The following SEMA3A variants were observed in gnomAD, a reference collection of about 807,000 sequenced individuals.
The protein encoded by SEMA3A is semaphorin 3A.
SEMA3A carries 29 observed loss-of-function variants against 97.9 expected under a neutral mutation model. That is an observed-to-expected ratio of 0.30 (90% confidence interval 0.22 to 0.40). The LOEUF is 0.40. Ranked by LOEUF, SEMA3A falls within the 10% of genes least tolerant of loss-of-function variation. The probability of loss-of-function intolerance (pLI) is 1.00; values close to 1 mark genes in which losing one functional copy is unlikely to be tolerated. For synonymous variants in SEMA3A, 321 were observed against 323.7 expected (o/e 0.99, Z 0.09); for missense variants, 763 against 951.3 (o/e 0.80, Z 2.60).
At chr7:84,062,293 A>C (rs1327081495) in intron 4 of SEMA3A, among the ~76,000 whole-genome samples, 1 of 152,208 alleles carries the variant, frequency 6.6e-6, no homozygotes, top group African/African-American at 2.4e-5. Context: ...ATACGAATTT[A>C]TCATAGGCAT....
intron 4 of SEMA3A, among the ~76,000 whole-genome samples, chr7:84,068,903 T>C (rs183382168): frequency 3.9e-5 from 6 of 152,224 alleles, no homozygotes; most frequent in Admixed American, 3.3e-4. Context: ...ATCCCTTTCC[T>C]TTCCTCCTTT....
At chr7:84,163,306 C>A (rs899508213) in intron 1 of SEMA3A, among the ~76,000 whole-genome samples, 1 of 151,950 alleles carries the variant, frequency 6.6e-6, no homozygotes, top group Non-Finnish European at 1.5e-5. Flanking sequence ...AATGGGTGTA[C>A]ACAGGTATGT....
At chr7:84,397,648 C>T (rs1041616971) in intron 1 of SEMA3A, among the ~76,000 whole-genome samples, 15 of 151,806 alleles carry the variant, frequency 9.9e-5, no homozygotes, top group African/African-American at 3.1e-4. Flanking sequence ...CCTAGCATTT[C>T]TGTGAAAATA....
chr7:84,300,909 G>A (rs748262726), intron 3 of SEMA3A, among the ~76,000 whole-genome samples: 5 of 152,104 alleles, frequency 3.3e-5, no homozygotes, highest in South Asian at 2.1e-4. Context: ...CACTTAGTTC[G>A]ACACATTCTG....
chr7:84,467,285 G>T (rs1056840993), intron 1 of SEMA3A, among the ~76,000 whole-genome samples: 8 of 152,168 alleles, frequency 5.3e-5, no homozygotes, highest in African/African-American at 1.9e-4. Flanking sequence ...CACTTTGGAA[G>T]GCTGAGGCGA....
intron 1 of SEMA3A, among the ~76,000 whole-genome samples, chr7:84,151,115 G>A (rs933340455): frequency 5.3e-5 from 8 of 149,764 alleles, no homozygotes; most frequent in African/African-American, 1.9e-4. Context: ...AAGACCAAAA[G>A]TAGATAAAAC....
intron 1 of SEMA3A, among the ~76,000 whole-genome samples, chr7:84,140,294 A>C (rs1796259328): frequency 6.6e-6 from 1 of 152,154 alleles, no homozygotes; most frequent in African/African-American, 2.4e-5. Context: ...ATTCTCAAAA[A>C]GGCAATGAAA....
intron 1 of SEMA3A, among the ~76,000 whole-genome samples, chr7:84,383,322 A>T (rs1338834583): frequency 6.6e-6 from 1 of 152,178 alleles, no homozygotes; most frequent in Non-Finnish European, 1.5e-5. Flanking sequence ...TAACTTTATC[A>T]GATAGAATAT....
At chr7:84,171,032 A>G (rs1243933892) in intron 1 of SEMA3A, among the ~76,000 whole-genome samples, 2 of 152,070 alleles carry the variant, frequency 1.3e-5, no homozygotes, top group African/African-American at 4.8e-5. Flanking sequence ...GATTTTTGGC[A>G]GAGAGAAAAG....
chr7:84,339,683 A>G lies in SEMA3A; in HGVS notation c.-169+32141T>C, dbSNP rs147239763. ...GGGGCATTTGGGTTCCACTTATACAATTAACTATAAGGGCAAAACATTCTG... is the reference window on the plus strand; with the variant it reads ...GGGGCATTTGGGTTCCACTTATACAGTTAACTATAAGGGCAAAACATTCTG... On this transcript the variant is annotated intron_variant, in intron 2 of 3. Transcript: ENST00000424555. 9.5e-4 allele frequency among the ~76,000 whole-genome samples: 144 copies of G among 152,304 alleles called. 1 individual carries two copies. In the East Asian group the frequency reaches 0.026, roughly 27 times the overall value.
At chr7:84,097,392 T>A (rs921355762) in intron 4 of SEMA3A, among the ~76,000 whole-genome samples, 2 of 152,112 alleles carry the variant, frequency 1.3e-5, no homozygotes, top group African/African-American at 4.8e-5. Flanking sequence ...AGTGAATAGA[T>A]AAGTATTTTT....
intron 1 of SEMA3A, among the ~76,000 whole-genome samples, chr7:84,409,722 T>C (rs1306998476): frequency 6.6e-6 from 1 of 152,124 alleles, no homozygotes; most frequent in East Asian, 1.9e-4. Flanking sequence ...AGCAAATGTG[T>C]TTTCTCAATC....
chr7:84,183,858 A>C (rs535447316), intron 1 of SEMA3A, among the ~76,000 whole-genome samples: 1 of 152,264 alleles, frequency 6.6e-6, no homozygotes, highest in South Asian at 2.1e-4. Flanking sequence ...CATTTCTGTG[A>C]AAGTGTCCAT....
chr7:84,080,477 C>T (rs1213346053), intron 4 of SEMA3A, among the ~76,000 whole-genome samples: 2 of 151,784 alleles, frequency 1.3e-5, no homozygotes, highest in Non-Finnish European at 2.9e-5. Flanking sequence ...AGAAAACATA[C>T]TAAATCTTTA....
chr7:84,049,078 G>A (rs941514445), intron 5 of SEMA3A, among the ~76,000 whole-genome samples: 2 of 152,010 alleles, frequency 1.3e-5, no homozygotes, highest in African/African-American at 4.8e-5. Context: ...AGAGAAAGTA[G>A]AACAGGTATT....
intron 6 of SEMA3A, among the ~76,000 whole-genome samples, chr7:84,034,943 G>T (rs1177040628): frequency 6.6e-6 from 1 of 151,838 alleles, no homozygotes; most frequent in Non-Finnish European, 1.5e-5. Flanking sequence ...ACAAAGAAAC[G>T]GTTTCCACTA....
At chr7:84,457,493 T>C (rs944019974) in intron 1 of SEMA3A, among the ~76,000 whole-genome samples, 1 of 151,926 alleles carries the variant, frequency 6.6e-6, no homozygotes, top group Non-Finnish European at 1.5e-5. Flanking sequence ...GTGCTTACGT[T>C]ATAAAATTAA....
chr7:84,131,756 T>C (rs182489183), intron 2 of SEMA3A, among the ~76,000 whole-genome samples: 3 of 147,430 alleles, frequency 2.0e-5, no homozygotes, highest in African/African-American at 7.5e-5. Context: ...ACACTCCAAA[T>C]ATATGTATAA....
intron 3 of SEMA3A, among the ~76,000 whole-genome samples, chr7:84,127,791 T>C (rs1046140033): frequency 6.6e-6 from 1 of 152,184 alleles, no homozygotes; most frequent in Non-Finnish European, 1.5e-5. Context: ...ATCAATCAAG[T>C]TGTCGCTTGA....
Sources: gnomAD v4.1 joint callset for allele counts (sites outside exome capture counted in the v4.1 genomes callset) on GRCh38, gnomAD v4.1.1 for gene constraint, MANE v1.5 for transcripts, NCBI Gene and HGNC (gene_info 2026-07-23, HGNC 2026-07-21) for gene names.